Variants in PCNT observed in about 807,000 individuals in gnomAD.
PCNT encodes the protein pericentrin.
Under a neutral mutation model 380.4 loss-of-function variants are expected in PCNT, and 319 were observed. The ratio of observed to expected loss-of-function variants is 0.84; its 90% CI spans 0.77 to 0.92. The LOEUF (loss-of-function observed/expected upper bound fraction) is 0.92, where lower values mean the gene tolerates loss of function less well. Among genes scored for constraint, PCNT ranks in the 40% least tolerant of loss-of-function variants. The pLI, the probability that PCNT is intolerant of heterozygous loss-of-function variation, is 0.00. For missense variants in PCNT, 4,400 were observed against 4,255.3 expected, an observed-to-expected ratio of 1.03 and a Z score of -0.95; for synonymous variants, 1,845 against 1,735.2, an observed-to-expected ratio of 1.06 and a Z score of -1.57.
intron 30 of PCNT, 94 bp downstream of exon 30, chr21:46,416,933 C>A: frequency 7.9e-7 from 1 of 1,272,324 alleles, no homozygotes; most frequent in Non-Finnish European, 1.1e-6. Flanking sequence ...CACCTCCTGA[C>A]AGCACACACC....
In PCNT at chr21:46,357,205, C is replaced by T; in HGVS notation, c.2154+14C>T. On this transcript the variant is annotated intron_variant, in intron 13 of 46. Transcript: ENST00000359568. ...GATTTGGAGAAGGTGAGTCGTGACT[C>T]CACAGCCCAGCGCCTCCCGCCCGAG... The T allele has an allele frequency of 3.2e-6, 5 of 1,568,760 alleles. No individual in the cohort carries two copies. Among genetic ancestry groups the T allele is most frequent in the Non-Finnish European group, 4.4e-6 (5 of 1,138,674 alleles).
intron 2 of PCNT, among the ~76,000 whole-genome samples, chr21:46,332,464 A>G (rs960598175): frequency 6.6e-6 from 1 of 152,356 alleles, no homozygotes; most frequent in Non-Finnish European, 1.5e-5. Flanking sequence ...ACCTCTTTGT[A>G]TCAAGTAAGT....
intron 32 of PCNT, among the ~76,000 whole-genome samples, chr21:46,422,846 C>T (rs1255199890): frequency 6.6e-6 from 1 of 152,220 alleles, no homozygotes; most frequent in Non-Finnish European, 1.5e-5. Context: ...CTCCCGTTGT[C>T]TCAGAGGGCC....
chr21:46,348,862 G>A, intron 6 of PCNT, 150 bp from the exon 7 acceptor site: 3 of 616,060 alleles, frequency 4.9e-6, no homozygotes, highest in South Asian at 1.9e-5. Context: ...CTGGGCTCAG[G>A]CGATCTGCCT....
chr21:46,349,711 A>G lies in PCNT; in HGVS notation c.1235A>G (p.His412Arg). 1 of 1,614,090 alleles carries G rather than the reference A, an allele frequency of 6.2e-7. No homozygotes were observed. Among genetic ancestry groups the G allele is most frequent in the Non-Finnish European group, 8.5e-7 (1 of 1,179,952 alleles). The change falls in exon 8 of 47, where the codon CAT becomes CGT. Residue 412 changes from histidine to arginine, a missense_variant. Coordinates refer to ENST00000359568, the MANE Select transcript of PCNT (RefSeq NM_006031.6). ...ERALRNLESH[H>R]QAAIEKLRED... ...GCCCTTAGGAACCTGGAGAGTCATCATCAAGCAGCCATTGAGAAGTTACGT... is the reference window on the plus strand; with the variant it reads ...GCCCTTAGGAACCTGGAGAGTCATCGTCAAGCAGCCATTGAGAAGTTACGT...
intron 22 of PCNT, 66 bp downstream of exon 22, chr21:46,397,560 TC>T: frequency 7.5e-7 from 1 of 1,327,822 alleles, no homozygotes; most frequent in South Asian, 1.2e-5. Flanking sequence ...TGAACTTCTT[TC>T]CAGATCGTTA....
At chr21:46,384,697 G>T (rs2085760141) in intron 16 of PCNT, among the ~76,000 whole-genome samples, 1 of 151,972 alleles carries the variant, frequency 6.6e-6, no homozygotes, top group African/African-American at 2.4e-5. Flanking sequence ...CGCATTCACG[G>T]TGTTGTGCGT....
intron 16 of PCNT, among the ~76,000 whole-genome samples, chr21:46,383,825 C>T (rs2085700154): frequency 6.9e-6 from 1 of 144,424 alleles, no homozygotes; most frequent in African/African-American, 2.6e-5. Flanking sequence ...GTTGTGCGTT[C>T]AGTGGCGGAA....
At position 46,411,667 on chromosome 21, in the gene PCNT, CAAAG is replaced by C; in HGVS notation, c.5595_5598del (p.Glu1867ArgfsTer8). 2 of 1,612,988 alleles carry C rather than the reference CAAAG, an allele frequency of 1.2e-6. No homozygotes were observed. Among genetic ancestry groups the C allele is most frequent in the Non-Finnish European group, 1.7e-6 (2 of 1,179,852 alleles). ...CAGGAGTTCGAAGCGGCCCTGAAAG[CAAAG>C]GAAGCGACGATTGCCGAGAGAAATT... On this transcript the variant is annotated frameshift_variant, in exon 28 of 47. Coordinates refer to ENST00000359568, the MANE Select transcript of PCNT (RefSeq NM_006031.6). LOFTEE classifies it high-confidence loss of function.
chr21:46,390,328 A>C (rs1241150576), intron 19 of PCNT, among the ~76,000 whole-genome samples: 2 of 152,212 alleles, frequency 1.3e-5, no homozygotes, highest in Non-Finnish European at 2.9e-5. Context: ...GAAAATAAAA[A>C]TTCTTTTTTG....
At chr21:46,434,858 A>G (rs925128999) in intron 38 of PCNT, among the ~76,000 whole-genome samples, 1 of 152,196 alleles carries the variant, frequency 6.6e-6, no homozygotes. Flanking sequence ...GTGCGTGTAC[A>G]TATGTGGATG....
rs533647083 is a variant in PCNT, at chr21:46,443,699, C to T, written c.9701-111C>T. 10 of 1,011,808 alleles carry T rather than the reference C, an allele frequency of 9.9e-6. No individual in the cohort carries two copies. In the African/African-American group the frequency reaches 1.4e-4, roughly 14 times the overall value. 62.7% of individuals were successfully genotyped at this position (1,011,808 alleles called of 1,614,324 possible). A position where few individuals can be genotyped will look rare whatever the true frequency, so the allele number is the denominator to read the frequency against. On this transcript the variant is annotated intron_variant, in intron 44 of 46. Transcript: ENST00000359568. ...GCACTTTAAAAATGTCTTAAAATTG[C>T]CATACAGGCTCTTAAAAGCTTATAC... is the stretch of plus-strand genomic sequence containing the variant.
chr21:46,427,984 C>A (rs771188640), intron 34 of PCNT, among the ~76,000 whole-genome samples, 189 bp downstream of exon 34: 1 of 152,226 alleles, frequency 6.6e-6, no homozygotes, highest in Non-Finnish European at 1.5e-5. Context: ...CCACCTGCAG[C>A]TGTAACAGGA....
At chr21:46,336,728 G>A (rs1269613624) in intron 3 of PCNT, among the ~76,000 whole-genome samples, 1 of 152,162 alleles carries the variant, frequency 6.6e-6, no homozygotes, top group Non-Finnish European at 1.5e-5. Flanking sequence ...GGCTCTCTCC[G>A]TGGACAGAGT....
chr21:46,357,100 T>C lies in PCNT; in HGVS notation c.2063T>C (p.Leu688Pro). Reference protein sequence around the residue: ...KVQLSLLQTELKEEIELLKIE... With the variant: ...KVQLSLLQTEPKEEIELLKIE... Reference sequence around the variant, plus strand: ...CAACTTTCGCTTCTTCAGACTGAGCTCAAAGAAGAAATTGAACTCCTAAAA... The same window carrying C: ...CAACTTTCGCTTCTTCAGACTGAGCCCAAAGAAGAAATTGAACTCCTAAAA... Residue 688 changes from leucine to proline, a missense_variant, in exon 13 of 47, where the codon CTC becomes CCC. Transcript: ENST00000359568. 1.4e-5 allele frequency: 23 copies of C among 1,613,572 alleles called. No homozygotes were observed. Among genetic ancestry groups the C allele is most frequent in the Non-Finnish European group, 2.0e-5 (23 of 1,179,460 alleles).
chr21:46,375,578 G>C (rs1408048714), intron 15 of PCNT, among the ~76,000 whole-genome samples: 1 of 151,184 alleles, frequency 6.6e-6, no homozygotes, highest in African/African-American at 2.4e-5. Context: ...CTGCCAGGGG[G>C]TTGCAGGAAG....
chr21:46,378,926 G>C (rs751303471), intron 15 of PCNT, among the ~76,000 whole-genome samples: 29 of 152,170 alleles, frequency 1.9e-4, no homozygotes, highest in Non-Finnish European at 3.8e-4. Flanking sequence ...CCAGGAGGAA[G>C]AAGAATTGTA....
chr21:46,389,885 G>A (rs1318148055), intron 19 of PCNT, among the ~76,000 whole-genome samples: 3 of 152,174 alleles, frequency 2.0e-5, no homozygotes, highest in East Asian at 1.9e-4. Context: ...TTCAGCCCAC[G>A]AGCTCATCTT....
intron 2 of PCNT, among the ~76,000 whole-genome samples, chr21:46,329,368 A>G (rs1328157296): frequency 2.0e-5 from 3 of 152,252 alleles, no homozygotes; most frequent in Non-Finnish European, 4.4e-5. Flanking sequence ...AAGGGCATAT[A>G]CCAGAAAATT....
Sources: gnomAD v4.1 joint callset for allele counts (sites outside exome capture counted in the v4.1 genomes callset) on GRCh38, gnomAD v4.1.1 for gene constraint, MANE v1.5 for transcripts, NCBI Gene and HGNC (gene_info 2026-07-23, HGNC 2026-07-21) for gene names.